GRB14: variants seen among roughly 807,000 people sequenced by gnomAD.
GRB14 encodes the protein growth factor receptor bound protein 14.
A neutral mutation model predicts 69.1 loss-of-function variants in GRB14; 38 were observed. That is an observed-to-expected ratio of 0.55 (90% CI 0.42 to 0.72). The LOEUF is 0.72. Among genes scored for constraint, GRB14 ranks in the 30% least tolerant of loss-of-function variants. The pLI is 0.00. For missense variants in GRB14, 666 were observed against 666.1 expected (o/e 1.00, Z 0.00); for synonymous variants, 247 against 241.3 (o/e 1.02, Z -0.22).
At chr2:164,494,043 A>G (rs1686828748) in intron 13 of GRB14, among the ~76,000 whole-genome samples, 1 of 152,158 alleles carries the variant, frequency 6.6e-6, no homozygotes, top group East Asian at 1.9e-4. Flanking sequence ...TTAAAAACAA[A>G]ACAAAACAAA....
intron 2 of GRB14, 72 bp from the exon 3 acceptor site, chr2:164,547,888 A>C: frequency 6.9e-6 from 7 of 1,020,632 alleles, no homozygotes; most frequent in African/African-American, 1.6e-5. Context: ...TATTGTATAT[A>C]TTTAAAGTAT....
intron 2 of GRB14, among the ~76,000 whole-genome samples, chr2:164,549,766 A>C (rs1688481519): frequency 6.6e-6 from 1 of 151,974 alleles, no homozygotes; most frequent in Non-Finnish European, 1.5e-5. Flanking sequence ...TGGGAGGCTG[A>C]GGCACAAGAA....
At chr2:164,587,721 A>G (rs1330139115) in intron 2 of GRB14, among the ~76,000 whole-genome samples, 1 of 152,224 alleles carries the variant, frequency 6.6e-6, no homozygotes, top group African/African-American at 2.4e-5. Flanking sequence ...TTCCAATGCA[A>G]GATCTGCTAG....
Position 164,530,085 on chromosome 2 carries a change from G to A in GRB14, c.482-2950C>T, listed in dbSNP as rs142214833. ...TGGTCTTAATCCATTTTTTGTTGCTGTCAAGAAATACCTGAGGTTGGGTAA... is the reference window on the plus strand; with the variant it reads ...TGGTCTTAATCCATTTTTTGTTGCTATCAAGAAATACCTGAGGTTGGGTAA... On this transcript the variant is annotated intron_variant, in intron 3 of 13. Coordinates refer to ENST00000263915, the MANE Select transcript of GRB14 (RefSeq NM_004490.3). 1.4e-3 allele frequency among the ~76,000 whole-genome samples: 208 copies of A among 152,198 alleles called. 7 individuals carry two copies. The East Asian group carries it at 0.033, about 25-fold the overall frequency.
At chr2:164,571,599 A>C (rs1217426857) in intron 2 of GRB14, among the ~76,000 whole-genome samples, 1 of 152,102 alleles carries the variant, frequency 6.6e-6, no homozygotes, top group East Asian at 1.9e-4. Flanking sequence ...AATAACTATT[A>C]TTGTGATTAT....
intron 2 of GRB14, among the ~76,000 whole-genome samples, chr2:164,579,638 T>A (rs942368864): frequency 9.9e-5 from 15 of 151,958 alleles, no homozygotes; most frequent in Admixed American, 7.2e-4. Flanking sequence ...CACATAGACA[T>A]ACAGAGAAAG....
intron 2 of GRB14, among the ~76,000 whole-genome samples, chr2:164,575,565 A>G (rs1448526949): frequency 6.6e-6 from 1 of 152,180 alleles, no homozygotes. Context: ...TATGCAGTAT[A>G]TACTATATAA....
At chr2:164,567,444 T>C (rs1689005048) in intron 2 of GRB14, among the ~76,000 whole-genome samples, 1 of 152,200 alleles carries the variant, frequency 6.6e-6, no homozygotes, top group African/African-American at 2.4e-5. Context: ...TAGTTAACAG[T>C]TAACTATTAA....
At position 164,530,886 on chromosome 2, in the gene GRB14, T is replaced by G. The variant is rs535723220; in HGVS notation, c.482-3751A>C. ...CTAACAAGTTTCAATAGGATCACAC[T>G]GTGGAGCAGAAAACTGATTTTAAAA... On this transcript the variant is annotated intron_variant, in intron 3 of 13. Coordinates refer to ENST00000263915, the MANE Select transcript of GRB14 (RefSeq NM_004490.3). 9.9e-4 allele frequency among the ~76,000 whole-genome samples: 151 copies of G among 152,270 alleles called. 3 individuals are homozygous for G. The South Asian group carries it at 0.03, about 30-fold the overall frequency.
chr2:164,563,988 T>G (rs190031296), intron 2 of GRB14, among the ~76,000 whole-genome samples: 46 of 152,200 alleles, frequency 3.0e-4, no homozygotes, highest in Non-Finnish European at 5.9e-4. Context: ...ATAATAAAAT[T>G]GATGTTACAG....
intron 3 of GRB14, among the ~76,000 whole-genome samples, chr2:164,541,143 G>A (rs1357610827): frequency 1.3e-5 from 2 of 152,074 alleles, no homozygotes; most frequent in Non-Finnish European, 2.9e-5. Flanking sequence ...TATTTACAAT[G>A]AGATAGATTA....
At chr2:164,610,624 G>C (rs914724948) in intron 2 of GRB14, among the ~76,000 whole-genome samples, 1 of 151,816 alleles carries the variant, frequency 6.6e-6, no homozygotes, top group African/African-American at 2.4e-5. Context: ...ATTTAATGAA[G>C]ATGACTGAAA....
At chr2:164,584,219 G>A (rs1487914472) in intron 2 of GRB14, among the ~76,000 whole-genome samples, 2 of 137,542 alleles carry the variant, frequency 1.5e-5, no homozygotes, top group Admixed American at 7.9e-5. Context: ...TACCTAGGCT[G>A]GTCTTGAACT....
chr2:164,513,885 G>C (rs1687407565), intron 6 of GRB14, among the ~76,000 whole-genome samples: 1 of 152,164 alleles, frequency 6.6e-6, no homozygotes. Flanking sequence ...ATTTTTACTT[G>C]AAAGACACCA....
chr2:164,600,261 A>G (rs1318260491), intron 2 of GRB14, among the ~76,000 whole-genome samples: 1 of 152,234 alleles, frequency 6.6e-6, no homozygotes, highest in African/African-American at 2.4e-5. Flanking sequence ...GTTGTTTGTT[A>G]AACAATAAAT....
At chr2:164,559,440 T>C (rs1329319589) in intron 2 of GRB14, among the ~76,000 whole-genome samples, 3 of 152,152 alleles carry the variant, frequency 2.0e-5, no homozygotes, top group Non-Finnish European at 2.9e-5. Flanking sequence ...ATCCCTTGCC[T>C]GCTCCCTCTT....
intron 3 of GRB14, among the ~76,000 whole-genome samples, chr2:164,545,048 T>G (rs1266783479): frequency 6.6e-6 from 1 of 152,220 alleles, no homozygotes; most frequent in Non-Finnish European, 1.5e-5. Context: ...CATAAACTCT[T>G]GAATGCATCA....
intron 2 of GRB14, among the ~76,000 whole-genome samples, chr2:164,565,029 T>C (rs1223956317): frequency 6.6e-6 from 1 of 151,688 alleles, no homozygotes. Flanking sequence ...AACAAACAAA[T>C]AAACAAACAA....
At chr2:164,526,695 A>C (rs1687782951) in intron 4 of GRB14, among the ~76,000 whole-genome samples, 1 of 151,992 alleles carries the variant, frequency 6.6e-6, no homozygotes, top group South Asian at 2.1e-4. Context: ...TTCCCACATC[A>C]AATGTATAAT....
Sources: allele counts gnomAD v4.1 joint callset (sites outside exome capture counted in the v4.1 genomes callset), GRCh38; gene constraint gnomAD v4.1.1; transcripts MANE v1.5; gene names NCBI Gene and HGNC (gene_info 2026-07-23, HGNC 2026-07-21).